Variants in STX11 observed in about 807,000 individuals in gnomAD.
STX11 encodes the protein syntaxin 11, also known as syntaxin-11.
In STX11, 21 loss-of-function variants were observed where a neutral mutation model predicts 19.9. The ratio of observed to expected loss-of-function variants is 1.06; its 90% CI spans 0.75 to 1.52. The LOEUF (loss-of-function observed/expected upper bound fraction) is 1.52. STX11 is among the 40% of genes most tolerant of loss of function. The probability of loss-of-function intolerance (pLI) is 0.00; values close to 1 mark genes in which losing one functional copy is unlikely to be tolerated. For synonymous variants in STX11, 193 were observed against 174.4 expected, an observed-to-expected ratio of 1.11 and a Z score of -0.84; for missense variants, 438 against 405.9, an observed-to-expected ratio of 1.08 and a Z score of -0.68.
rs556034807 is a variant in STX11 at position 144,172,381 on chromosome 6, C to T, written c.-5-14242C>T. 7.2e-5 allele frequency among the ~76,000 whole-genome samples: 11 copies of T among 152,272 alleles called. No homozygotes were observed. The East Asian group carries it at 1.7e-3, about 24-fold the overall frequency. ...TCACCCTCCAGGAGGCTAGTCTGAG[C>T]TTTCTCACATAATGGTTTCAGTGTT... On this transcript the variant is annotated intron_variant, in intron 1 of 1. Transcript: ENST00000367568. The surrounding 1 kb of genome is among the most constrained non-coding windows in gnomAD (Gnocchi z 4.2).
At position 144,162,813 on chromosome 6, in the gene STX11, AT is replaced by A. The variant is rs1439619914; in HGVS notation, c.-6+12113del. 6.6e-6 allele frequency among the ~76,000 whole-genome samples: 1 copy of A among 152,222 alleles called. No homozygotes were observed. The highest frequency in any genetic ancestry group is 6.5e-5 in the Admixed American group (1 of 15,280). ...GTAAGTAAAAAATTACTCAACTATC[AT>A]TTATAAATCTTCTTGTTGATATTCA... is the stretch of plus-strand genomic sequence containing the variant. On this transcript the variant is annotated intron_variant, in intron 1 of 1. Transcript: ENST00000367568. This position sits in a 1 kb window ranked among gnomAD's most constrained non-coding sequence, Gnocchi z 4.6.
the STX11 span, chr6:144,140,751 A>G: frequency 1.0e-6 from 1 of 985,366 alleles, no homozygotes; most frequent in Non-Finnish European, 1.2e-6. Flanking sequence ...AGCAGCCTCA[A>G]GGGGATGAAA....
rs577827394 is a variant in STX11, at chr6:144,186,970, G to A, written c.343G>A (p.Glu115Lys). 4 of 1,609,246 alleles carry A rather than the reference G, an allele frequency of 2.5e-6. No individual in the cohort carries two copies. In the African/African-American group the frequency reaches 4.0e-5, roughly 16 times the overall value. ...RAMKELSEAA[E>K]AQHGPHSAVA... ...CATGAAGGAGCTGAGCGAGGCGGCT[G>A]AGGCCCAGCACGGCCCGCACTCGGC... Residue 115 changes from glutamate to lysine, a missense_variant, in exon 2 of 2, where the codon GAG becomes AAG. Coordinates refer to ENST00000367568, the MANE Select transcript of STX11 (RefSeq NM_003764.4).
At chr6:144,150,316 G>A (rs1303284930), upstream of STX11, among the ~76,000 whole-genome samples, 2 of 152,230 alleles carry the variant, frequency 1.3e-5, no homozygotes, top group Admixed American at 6.5e-5. Flanking sequence ...CGCAGCCCGC[G>A]GGAACGCCCC....
chr6:144,187,502 C>G lies in STX11; in HGVS notation c.*11C>G, dbSNP rs778600480. 8.7e-6 allele frequency: 14 copies of G among 1,611,400 alleles called. No homozygotes were observed. Among genetic ancestry groups the G allele is most frequent in the Non-Finnish European group, 1.2e-5 (14 of 1,179,872 alleles). On this transcript the variant is annotated 3_prime_UTR_variant, in exon 2 of 2. Transcript: ENST00000367568. This position sits in a 1 kb window ranked among gnomAD's most constrained non-coding sequence, Gnocchi z 5.6. ...CCCTGCCTCAAGTAGCAGGCCGGCC[C>G]GGGCCGCCACCGCCCATCCCAGACC...
Position 144,170,913 on chromosome 6 carries a change from A to G in STX11, c.-5-15710A>G, listed in dbSNP as rs551940596. ...CAGGTGCTAGTCTTAAGAGCTTTACATGGCTTACCTCATTTAATCCCCTCT... is the reference window on the plus strand; with the variant it reads ...CAGGTGCTAGTCTTAAGAGCTTTACGTGGCTTACCTCATTTAATCCCCTCT... On this transcript the variant is annotated intron_variant, in intron 1 of 1. Transcript: ENST00000367568. The surrounding 1 kb of genome is among the most constrained non-coding windows in gnomAD (Gnocchi z 4.7). Among the ~76,000 whole-genome samples, 39 of 152,328 alleles carry G rather than the reference A, an allele frequency of 2.6e-4. No homozygotes were observed. Among genetic ancestry groups the G allele is most frequent in the Non-Finnish European group, 5.0e-4 (34 of 68,030 alleles).
In STX11 at chr6:144,183,791, CAT is replaced by C. The variant is rs1245402602; in HGVS notation, c.-5-2831_-5-2830del. Among the ~76,000 whole-genome samples, 10 of 152,262 alleles carry C rather than the reference CAT, an allele frequency of 6.6e-5. No homozygotes were observed. The highest frequency in any genetic ancestry group is 2.4e-4 in the African/African-American group (10 of 41,554). Reference sequence around the variant, plus strand: ...TGCGCAGGTTTGTTACAGAGGTAAACATGTGCCATGGTGGTTTGCTGCACAGA... The same window carrying C: ...TGCGCAGGTTTGTTACAGAGGTAAACGTGCCATGGTGGTTTGCTGCACAGA... On this transcript the variant is annotated intron_variant, in intron 1 of 1. Transcript: ENST00000367568. This position sits in a 1 kb window ranked among gnomAD's most constrained non-coding sequence, Gnocchi z 4.6.
rs1016538180 is a variant in STX11, at chr6:144,182,892, A to G, written c.-5-3731A>G. Among the ~76,000 whole-genome samples, 2 of 152,172 alleles carry G rather than the reference A, an allele frequency of 1.3e-5. No individual in the cohort carries two copies. The highest frequency in any genetic ancestry group is 4.8e-5 in the African/African-American group (2 of 41,446). On this transcript the variant is annotated intron_variant, in intron 1 of 1. Coordinates refer to ENST00000367568, the MANE Select transcript of STX11 (RefSeq NM_003764.4). The surrounding 1 kb of genome is among the most constrained non-coding windows in gnomAD (Gnocchi z 4.8). ...AAAATGCATCCATTCCATCTCATCCACTTGTTGCATGGTAGACTATATTGG... is the reference window on the plus strand; with the variant it reads ...AAAATGCATCCATTCCATCTCATCCGCTTGTTGCATGGTAGACTATATTGG...
chr6:144,147,854 C>G (rs1004079946), upstream of STX11, among the ~76,000 whole-genome samples: 1 of 152,094 alleles, frequency 6.6e-6, no homozygotes, highest in African/African-American at 2.4e-5. This position sits in a 1 kb window ranked among gnomAD's most constrained non-coding sequence, Gnocchi z 4.2. Context: ...TGCAGGGAAC[C>G]ATGATCATGC....
At position 144,154,672 on chromosome 6, in the gene STX11, A is replaced by G. The variant is rs1473790195; in HGVS notation, c.-6+3969A>G. ...CACTAACAAATGCAGACAGGTACAT[A>G]ACAACTCCAGATATTACATTCCTGA... On this transcript the variant is annotated intron_variant, in intron 1 of 1. Coordinates refer to ENST00000367568, the MANE Select transcript of STX11 (RefSeq NM_003764.4). The surrounding 1 kb of genome is among the most constrained non-coding windows in gnomAD (Gnocchi z 4.7). 3.3e-5 allele frequency among the ~76,000 whole-genome samples: 5 copies of G among 152,228 alleles called. No individual in the cohort carries two copies. The highest frequency in any genetic ancestry group is 5.9e-5 in the Non-Finnish European group (4 of 68,032).
At position 144,189,363 on chromosome 6, in the gene STX11, T is replaced by C. The variant is rs574496237; in HGVS notation, c.*1872T>C. Among the ~76,000 whole-genome samples, 12 of 152,312 alleles carry C rather than the reference T, an allele frequency of 7.9e-5. No homozygotes were observed. In the East Asian group the frequency reaches 2.3e-3, roughly 29 times the overall value. On this transcript the variant is annotated 3_prime_UTR_variant, in exon 2 of 2. Transcript: ENST00000367568. ...AGCTACTGAGGCTGCCACATCTGGA[T>C]GGAACTGAGTGGAGGGGGAAAAGAA... is the stretch of plus-strand genomic sequence containing the variant.
At chr6:144,150,509 C>T (rs1225171913), upstream of STX11, 1 of 985,296 alleles carries the variant, frequency 1.0e-6, no homozygotes, top group Non-Finnish European at 1.2e-6. Context: ...GCTGAGCCGG[C>T]GGCGCCCAGA....
the STX11 span, chr6:144,140,883 G>C: frequency 1.4e-6 from 1 of 730,340 alleles, no homozygotes; most frequent in Non-Finnish European, 1.7e-6. Context: ...ACAGAATATG[G>C]CTATACAAAT....
rs1403072274 is a variant in STX11, at chr6:144,162,084, A to G, written c.-6+11381A>G. On this transcript the variant is annotated intron_variant, in intron 1 of 1. Coordinates refer to ENST00000367568, the MANE Select transcript of STX11 (RefSeq NM_003764.4). This position sits in a 1 kb window ranked among gnomAD's most constrained non-coding sequence, Gnocchi z 4.6. The stretch of plus-strand genomic sequence containing the variant: ...TCTACCGCACTCTAGATTCTCTTTT[A>G]CCCTGTTCAGAGTCTAATCTGTCAT... Among the ~76,000 whole-genome samples the G allele has an allele frequency of 3.3e-5, 5 of 152,028 alleles. No homozygotes were observed. The highest frequency in any genetic ancestry group is 9.7e-5 in the African/African-American group (4 of 41,372).
Position 144,170,066 on chromosome 6 carries a change from G to A in STX11, c.-5-16557G>A, listed in dbSNP as rs1196955650. Among the ~76,000 whole-genome samples the A allele has an allele frequency of 1.3e-5, 2 of 152,278 alleles. No individual in the cohort carries two copies. The highest frequency in any genetic ancestry group is 6.5e-5 in the Admixed American group (1 of 15,292). On this transcript the variant is annotated intron_variant, in intron 1 of 1. Coordinates refer to ENST00000367568, the MANE Select transcript of STX11 (RefSeq NM_003764.4). This position sits in a 1 kb window ranked among gnomAD's most constrained non-coding sequence, Gnocchi z 4.7. The stretch of plus-strand genomic sequence containing the variant: ...CTTTTTGTTTCTTCAGGTCATATAA[G>A]GTGGTCATTCCAACACCATATTTTT...
chr6:144,186,499 C>G, intron 1 of STX11, 124 bp from the exon 2 acceptor site: 2 of 1,201,826 alleles, frequency 1.7e-6, no homozygotes, highest in Non-Finnish European at 2.4e-6. Flanking sequence ...CTTTAGTGCA[C>G]TTATTGCCCA....
Position 144,186,757 on chromosome 6 carries a change from C to T in STX11, c.130C>T (p.Leu44=). The change falls in exon 2 of 2, where the codon CTG becomes TTG. Residue 44 remains leucine (L), a synonymous_variant. Transcript: ENST00000367568. ...CGAGACGGACCACATCCTGGAGTCC[C>T]TGTACCGAGACATCCGGGACATTCA... ...VFETDHILES[L]YRDIRDIQDE... is the part of the protein sequence containing the mutation. 1.5e-5 allele frequency: 24 copies of T among 1,614,124 alleles called. No homozygotes were observed. Among genetic ancestry groups the T allele is most frequent in the Non-Finnish European group, 1.9e-5 (23 of 1,180,046 alleles).
intron 1 of STX11, 122 bp downstream of exon 1, chr6:144,150,825 CT>C: frequency 1.3e-6 from 1 of 779,948 alleles, no homozygotes; most frequent in South Asian, 5.8e-5. Context: ...GCGGCTGTGC[CT>C]TAGGTGGGAT....
rs1003772435 is a variant in STX11 at position 144,177,819 on chromosome 6, A to C, written c.-5-8804A>C. Among the ~76,000 whole-genome samples, 4 of 152,172 alleles carry C rather than the reference A, an allele frequency of 2.6e-5. No individual in the cohort carries two copies. Among genetic ancestry groups the C allele is most frequent in the Non-Finnish European group, 5.9e-5 (4 of 68,014 alleles). ...TGGCTTCTATGCACCTGACTGTAAA[A>C]TTTACATCTCCAAGTGTCTGTATTC... On this transcript the variant is annotated intron_variant, in intron 1 of 1. Transcript: ENST00000367568. The surrounding 1 kb of genome is among the most constrained non-coding windows in gnomAD (Gnocchi z 4.4).
Sources: allele counts gnomAD v4.1 joint callset (sites outside exome capture counted in the v4.1 genomes callset), GRCh38; gene constraint gnomAD v4.1.1; non-coding constraint Gnocchi (gnomAD v3.1); transcripts MANE v1.5; gene names NCBI Gene and HGNC (gene_info 2026-07-23, HGNC 2026-07-21).